Variants in COL2A1 observed in about 807,000 individuals in gnomAD.
The protein encoded by COL2A1 is collagen alpha-1(II) chain.
In COL2A1, 28 loss-of-function variants were observed where a neutral mutation model predicts 204.5. That is an observed-to-expected ratio of 0.14 (90% confidence interval 0.10 to 0.19). COL2A1 has a LOEUF of 0.19. COL2A1 is among the 10% of genes least tolerant of loss of function. The pLI, the probability that COL2A1 is intolerant of heterozygous loss-of-function variation, is 1.00. For missense variants in COL2A1, 1,388 were observed against 2,027.5 expected (o/e 0.68, Z 6.06); for synonymous variants, 708 against 718.7 (o/e 0.99, Z 0.24).
intron 36 of COL2A1, 29 bp from the exon 37 acceptor site, chr12:47,981,425 G>C: frequency 1.9e-6 from 3 of 1,598,606 alleles, no homozygotes; most frequent in Non-Finnish European, 2.6e-6. Flanking sequence ...GGAAGAGCTG[G>C]GGTAAGAAGG....
At chr12:47,992,138 T>C (rs1939737412) in intron 16 of COL2A1, among the ~76,000 whole-genome samples, 1 of 152,162 alleles carries the variant, frequency 6.6e-6, no homozygotes, top group African/African-American at 2.4e-5. Context: ...ACCAAGTGCC[T>C]ACAAGGACTC....
chr12:47,982,711 C>T, intron 33 of COL2A1, 102 bp from the exon 34 acceptor site: 1 of 1,250,248 alleles, frequency 8.0e-7, no homozygotes, highest in Non-Finnish European at 1.2e-6. Context: ...CTCTTCCTTC[C>T]CTTCCTCCCA....
Position 47,987,242 on chromosome 12 carries a change from G to A in COL2A1, c.1266+27C>T, listed in dbSNP as rs922218122. 2.5e-6 allele frequency: 4 copies of A among 1,613,778 alleles called. No homozygotes were observed. The highest frequency in any genetic ancestry group is 1.1e-5 in the South Asian group (1 of 91,078). On this transcript the variant is annotated intron_variant, in intron 20 of 53. Coordinates refer to ENST00000380518, the MANE Select transcript of COL2A1 (RefSeq NM_001844.5). The surrounding 1 kb of genome is among the most constrained non-coding windows in gnomAD (Gnocchi z 4.1). The stretch of plus-strand genomic sequence containing the variant: ...AGAGGCAGGACTGGGCTCTCCTGGG[G>A]TAGCAAAGTCCACGGGCAACACTCA...
At chr12:47,995,491 C>T (rs1340590637) in intron 10 of COL2A1, among the ~76,000 whole-genome samples, 183 bp from the exon 11 acceptor site, 1 of 152,148 alleles carries the variant, frequency 6.6e-6, no homozygotes, top group African/African-American at 2.4e-5. Flanking sequence ...TGGGGTGACC[C>T]GGAAAGGGGG....
rs940795586 is a variant in COL2A1 at position 47,980,140 on chromosome 12, G to T, written c.2626-78C>A. The T allele has an allele frequency of 1.9e-5, 25 of 1,305,888 alleles. No individual in the cohort carries two copies. The African/African-American group carries it at 3.5e-4, about 18-fold the overall frequency. The allele number at this position is 1,305,888 out of a possible 1,614,324, so 80.9% of individuals were successfully genotyped here. A position where few individuals can be genotyped will look rare whatever the true frequency, so the allele number is the denominator to read the frequency against. On this transcript the variant is annotated intron_variant, in intron 39 of 53. Coordinates refer to ENST00000380518, the MANE Select transcript of COL2A1 (RefSeq NM_001844.5). This position sits in a 1 kb window ranked among gnomAD's most constrained non-coding sequence, Gnocchi z 4.5. ...GGCTTCTGTCTGAGCCCCAACAATG[G>T]ACCCCTGAGGTTTTCGAAGATGCAG... is the stretch of plus-strand genomic sequence containing the variant.
At chr12:47,984,429 A>G in intron 28 of COL2A1, 117 bp downstream of exon 28, 1 of 1,077,616 alleles carries the variant, frequency 9.3e-7, no homozygotes, top group Non-Finnish European at 1.4e-6. Context: ...TCAGCCACAG[A>G]GATCAACACT....
rs2136574310 is a variant in COL2A1 at position 47,986,902 on chromosome 12, G to C, written c.1366-14C>G. On this transcript the variant is annotated splice_polypyrimidine_tract_variant and intron_variant, in intron 21 of 53. Coordinates refer to ENST00000380518, the MANE Select transcript of COL2A1 (RefSeq NM_001844.5). ...ACCAGGTTCACCCTTGAAAAGAGAG[G>C]CAGGTCCTCACACCAGATTCTCTCC... The C allele has an allele frequency of 1.2e-6, 2 of 1,614,126 alleles. No homozygotes were observed. The highest frequency in any genetic ancestry group is 2.2e-5 in the East Asian group (1 of 44,878).
chr12:47,986,700 C>T (rs1468829561), intron 22 of COL2A1, 135 bp downstream of exon 22: 5 of 1,060,868 alleles, frequency 4.7e-6, no homozygotes, highest in Non-Finnish European at 7.4e-6. Flanking sequence ...GTTAAGTCTC[C>T]TCCAGGCATA....
chr12:47,993,452 A>G lies in COL2A1; in HGVS notation c.969+6T>C, dbSNP rs139163410. ...ATAAACCTTCCTGGAGGGTGTCCAT[A>G]CTTACCATTGGGCCCGGAGATCCGT... is the stretch of plus-strand genomic sequence containing the variant. On this transcript the variant is annotated splice_donor_region_variant and intron_variant, in intron 15 of 53. Transcript: ENST00000380518. The G allele has an allele frequency of 1.4e-4, 229 of 1,610,176 alleles. No individual in the cohort carries two copies. The African/African-American group carries it at 2.9e-3, about 20-fold the overall frequency.
intron 37 of COL2A1, 82 bp downstream of exon 37, chr12:47,981,261 C>T: frequency 6.9e-7 from 1 of 1,452,694 alleles, no homozygotes; most frequent in Non-Finnish European, 9.5e-7. Flanking sequence ...CACCAGGCAG[C>T]ATGAGGGCCT....
At chr12:47,994,115 A>G (rs1226716113) in intron 12 of COL2A1, 68 bp from the exon 13 acceptor site, 10 of 1,567,324 alleles carry the variant, frequency 6.4e-6, no homozygotes, top group Middle Eastern at 1.8e-4. Context: ...CCTGGGCTGC[A>G]GGAGGGCCTC....
In COL2A1 at chr12:47,987,849, G is replaced by A. The variant is rs781296153; in HGVS notation, c.1123-140C>T. On this transcript the variant is annotated intron_variant, in intron 18 of 53. Coordinates refer to ENST00000380518, the MANE Select transcript of COL2A1 (RefSeq NM_001844.5). This position sits in a 1 kb window ranked among gnomAD's most constrained non-coding sequence, Gnocchi z 4.1. The stretch of plus-strand genomic sequence containing the variant: ...CCCAACCCTGCACATGAACATGTGC[G>A]TTCACACACAGTTCACGCTGCCGTT... 11 of 703,900 alleles carry A rather than the reference G, an allele frequency of 1.6e-5. No homozygotes were observed. The highest frequency in any genetic ancestry group is 2.3e-5 in the Non-Finnish European group (9 of 395,482). 43.6% of individuals were successfully genotyped at this position (703,900 alleles called of 1,614,324 possible). A position where few individuals can be genotyped will look rare whatever the true frequency, so the allele number is the denominator to read the frequency against.
In COL2A1 at chr12:47,974,482, G is replaced by C. The variant is rs563365714; in HGVS notation, c.4075-151C>G. 8.2e-5 allele frequency: 105 copies of C among 1,280,160 alleles called. No homozygotes were observed. The African/African-American group carries it at 1.4e-3, about 18-fold the overall frequency. The allele number at this position is 1,280,160 out of a possible 1,614,324, so 79.3% of individuals were successfully genotyped here. A position where few individuals can be genotyped will look rare whatever the true frequency, so the allele number is the denominator to read the frequency against. On this transcript the variant is annotated intron_variant, in intron 52 of 53. Coordinates refer to ENST00000380518, the MANE Select transcript of COL2A1 (RefSeq NM_001844.5). ...TTGGACATTTTTGCTTCCAGGAGTG[G>C]AGCAAGCTCAGAGGACCTCTTTTCC...
chr12:47,997,109 G>A (rs1939998545), intron 7 of COL2A1, among the ~76,000 whole-genome samples: 1 of 152,160 alleles, frequency 6.6e-6, no homozygotes, highest in Non-Finnish European at 1.5e-5. Context: ...TAGCAAACCT[G>A]CAAAAACTAG....
rs1939818772 is a variant in COL2A1 at position 47,993,791 on chromosome 12, T to G, written c.924+18A>C. 1 of 1,613,674 alleles carries G rather than the reference T, an allele frequency of 6.2e-7. No individual in the cohort carries two copies. The highest frequency in any genetic ancestry group is 1.3e-5 in the African/African-American group (1 of 74,860). On this transcript the variant is annotated intron_variant, in intron 14 of 53. Transcript: ENST00000380518. ...TGTCTCCCTCCTCCCCATCCCATTG[T>G]ACTTTCTGGCCTCTCACCTTCACAC...
chr12:47,986,589 A>G (rs1939428977), intron 22 of COL2A1, 146 bp from the exon 23 acceptor site: 1 of 713,388 alleles, frequency 1.4e-6, no homozygotes, highest in Non-Finnish European at 2.4e-6. Context: ...AGGACGAGCC[A>G]TGGCAGGGCA....
At position 47,975,414 on chromosome 12, in the gene COL2A1, G is replaced by T. The variant is rs1242187411; in HGVS notation, c.3789C>A (p.Asn1263Lys). ...GGCTGCGGATGCTCTCAATCTGGTTGTTGAGGGACTTGAGTGTGGCATCCA... is the reference window on the plus strand; with the variant it reads ...GGCTGCGGATGCTCTCAATCTGGTTTTTGAGGGACTTGAGTGTGGCATCCA... Reference protein sequence around the residue: ...AEVDATLKSLNNQIESIRSPE... With the variant: ...AEVDATLKSLKNQIESIRSPE... The change falls in exon 51 of 54, where the codon AAC (asparagine) becomes AAA (lysine). Residue 1263 changes from asparagine to lysine, a missense_variant. Physicochemically the swap from Asn to Lys is moderately conservative, Grantham distance 94. This residue lies in a region of COL2A1 where 303 missense variants were observed against 369.2 expected (regional missense o/e 0.82). Coordinates refer to ENST00000380518, the MANE Select transcript of COL2A1 (RefSeq NM_001844.5). 1 of 1,614,198 alleles carries T rather than the reference G, an allele frequency of 6.2e-7. No individual in the cohort carries two copies. Among genetic ancestry groups the T allele is most frequent in the East Asian group, 2.2e-5 (1 of 44,876 alleles).
intron 8 of COL2A1, among the ~76,000 whole-genome samples, 164 bp downstream of exon 8, chr12:47,996,384 A>G (rs1939961004): frequency 6.6e-6 from 1 of 152,208 alleles, no homozygotes; most frequent in Non-Finnish European, 1.5e-5. Flanking sequence ...ATCCATTGCC[A>G]TTAAAAACCA....
upstream of COL2A1, among the ~76,000 whole-genome samples, chr12:48,005,029 AG>A (rs1415802362): frequency 6.6e-6 from 1 of 152,060 alleles, no homozygotes; most frequent in South Asian, 2.1e-4. Context: ...CCAGATCTGA[AG>A]GGTTACCCCG....
Sources: gnomAD v4.1 joint callset for allele counts (sites outside exome capture counted in the v4.1 genomes callset) on GRCh38, gnomAD v4.1.1 for gene constraint, gnomAD v4.1.1 regional missense constraint, Gnocchi (gnomAD v3.1) non-coding constraint, MANE v1.5 for transcripts, NCBI Gene and HGNC (gene_info 2026-07-23, HGNC 2026-07-21) for gene names.